INSC: variants seen among roughly 807,000 people sequenced by gnomAD.
INSC encodes protein inscuteable homolog.
In INSC, 67 loss-of-function variants were observed where a neutral mutation model predicts 58.6. The observed-to-expected ratio is 1.14, with a 90% confidence interval of 0.94 to 1.40. INSC has a LOEUF of 1.40. INSC is among the 40% of genes most tolerant of loss of function. INSC has a pLI of 0.00. For synonymous variants in INSC, 262 were observed against 276.1 expected, an observed-to-expected ratio of 0.95 and a Z score of 0.51; for missense variants, 714 against 692.0, an observed-to-expected ratio of 1.03 and a Z score of -0.36.
chr11:15,208,039 C>A (rs1589970670), intron 7 of INSC, among the ~76,000 whole-genome samples: 1 of 152,180 alleles, frequency 6.6e-6, no homozygotes. Context: ...AGCAAAGCTA[C>A]TACTTTCTTG....
At chr11:15,203,403 G>A (rs1388092070) in intron 7 of INSC, among the ~76,000 whole-genome samples, 2 of 152,170 alleles carry the variant, frequency 1.3e-5, no homozygotes, top group Non-Finnish European at 2.9e-5. Flanking sequence ...TCTGTGCCAG[G>A]CACTGAAGAG....
In INSC at chr11:15,116,695, G is replaced by A. The variant is rs557800218; in HGVS notation, c.-46+1692G>A. 2.5e-4 allele frequency among the ~76,000 whole-genome samples: 38 copies of A among 152,050 alleles called. 1 individual carries two copies. The South Asian group carries it at 7.5e-3, about 30-fold the overall frequency. ...GCTGGGAAGTTAGAAAGATGGTATT[G>A]AGCTTCCTTCCTTCCCTTCCTTTCT... On this transcript the variant is annotated intron_variant, in intron 1 of 12. Transcript: ENST00000379556.
intron 6 of INSC, among the ~76,000 whole-genome samples, chr11:15,200,393 T>C (rs1487807301): frequency 1.3e-5 from 2 of 152,168 alleles, no homozygotes; most frequent in African/African-American, 4.8e-5. Context: ...GAACCAGCTC[T>C]GGGCATCTAG....
At chr11:15,167,542 C>T (rs539007554) in intron 2 of INSC, among the ~76,000 whole-genome samples, 4 of 151,926 alleles carry the variant, frequency 2.6e-5, no homozygotes, top group Non-Finnish European at 4.4e-5. Context: ...CTCACTGCAG[C>T]CTTGACCTCC....
rs577732249 is a variant in INSC, at chr11:15,188,721, A to G, written c.580-1980A>G. On this transcript the variant is annotated intron_variant, in intron 5 of 12. Transcript: ENST00000379556. ...TATTCTCAGACTTAAATTGTCTAATATTAGCAGCTGATTGCAAAAGACATT... is the reference window on the plus strand; with the variant it reads ...TATTCTCAGACTTAAATTGTCTAATGTTAGCAGCTGATTGCAAAAGACATT... 7.9e-4 allele frequency among the ~76,000 whole-genome samples: 121 copies of G among 152,388 alleles called. 2 individuals are homozygous for G. The Middle Eastern group carries it at 0.014, about 17-fold the overall frequency.
rs1290771837 is a variant in INSC at position 15,190,747 on chromosome 11, A to G, written c.626A>G (p.Glu209Gly). 1 of 1,613,970 alleles carries G rather than the reference A, an allele frequency of 6.2e-7. No individual in the cohort carries two copies. The highest frequency in any genetic ancestry group is 1.7e-5 in the Admixed American group (1 of 60,022). ...GCCTCAGACAATATCTACACCACAG[A>G]GTCCACCACAGGGAACCTGTTCAGC... is the stretch of plus-strand genomic sequence containing the variant. Reference protein sequence around the residue: ...IDASDNIYTTESTTGNLFSLT... With the variant: ...IDASDNIYTTGSTTGNLFSLT... The change falls in exon 6 of 13, where the codon GAG becomes GGG. Residue 209 changes from glutamate (E) to glycine (G), a missense_variant. Physicochemically the swap from Glu to Gly is moderately conservative, Grantham distance 98 (BLOSUM62 -2). Transcript: ENST00000379556.
intron 6 of INSC, among the ~76,000 whole-genome samples, chr11:15,199,840 T>C (rs1456401998): frequency 6.6e-6 from 1 of 152,128 alleles, no homozygotes; most frequent in Non-Finnish European, 1.5e-5. Context: ...CAAAGCGAGA[T>C]GTGGGATATC....
At chr11:15,153,598 C>T (rs1351667813) in intron 2 of INSC, among the ~76,000 whole-genome samples, 1 of 152,320 alleles carries the variant, frequency 6.6e-6, no homozygotes, top group Non-Finnish European at 1.5e-5. Context: ...GACTTGAATT[C>T]CATCCTTTCT....
intron 1 of INSC, among the ~76,000 whole-genome samples, chr11:15,146,079 C>T (rs1432191143): frequency 1.3e-5 from 2 of 152,216 alleles, no homozygotes; most frequent in Non-Finnish European, 2.9e-5. Flanking sequence ...ATTAAACGAA[C>T]TAATACTATA....
intron 2 of INSC, among the ~76,000 whole-genome samples, chr11:15,168,520 C>T (rs1298888233): frequency 6.6e-6 from 1 of 152,166 alleles, no homozygotes; most frequent in African/African-American, 2.4e-5. Flanking sequence ...TATTGTGACA[C>T]GTGTGAAGGT....
At chr11:15,229,975 TATATTATATATA>T (rs1851817602) in intron 9 of INSC, among the ~76,000 whole-genome samples, 4 of 14,006 alleles carry the variant, frequency 2.9e-4, no homozygotes, top group South Asian at 6.8e-3. Flanking sequence ...TATATATATA[TATATTATATATA>T]TATATATATA....
downstream of INSC, among the ~76,000 whole-genome samples, chr11:15,247,733 G>GTATATATATA (rs57312382): frequency 3.6e-3 from 457 of 127,474 alleles, 11 homozygotes; most frequent in African/African-American, 0.011. Flanking sequence ...TAGAAATAAG[G>GTATATATATA]TATATATATA....
At chr11:15,170,188 A>G (rs1849348554) in intron 2 of INSC, among the ~76,000 whole-genome samples, 1 of 152,088 alleles carries the variant, frequency 6.6e-6, no homozygotes, top group African/African-American at 2.4e-5. Context: ...GTTTTTTTGA[A>G]TAATTTCAAT....
At chr11:15,260,053 T>A in the INSC span, among the ~76,000 whole-genome samples, 1 of 152,154 alleles carries the variant, frequency 6.6e-6, no homozygotes, top group Non-Finnish European at 1.5e-5. Context: ...TGGTTTTATA[T>A]CCAAGGTAGG....
chr11:15,112,368 C>A, upstream of INSC: 1 of 966,170 alleles, frequency 1.0e-6, no homozygotes, highest in Non-Finnish European at 1.5e-6. Flanking sequence ...GAGTCACAGG[C>A]CTTCTCAGGG....
rs369421728 is a variant in INSC, at chr11:15,198,945, C to T, written c.694-1879C>T. On this transcript the variant is annotated intron_variant, in intron 6 of 12. Transcript: ENST00000379556. ...CCAGACATTTTTACTGAAGTAATTA[C>T]GTGCACTTAAAATCAGAGTGGTTCT... 5.6e-4 allele frequency among the ~76,000 whole-genome samples: 85 copies of T among 152,214 alleles called. 1 individual carries two copies. The South Asian group carries it at 0.014, about 25-fold the overall frequency.
chr11:15,230,000 TA>T (rs1157094493), intron 9 of INSC, among the ~76,000 whole-genome samples: 72 of 25,062 alleles, frequency 2.9e-3, no homozygotes, highest in African/African-American at 0.012. Context: ...TATATATATA[TA>T]TATATATATA....
rs551363285 is a variant in INSC, at chr11:15,233,044, C to A, written c.1171-2558C>A. 4.6e-5 allele frequency among the ~76,000 whole-genome samples: 7 copies of A among 152,278 alleles called. No homozygotes were observed. In the Middle Eastern group the frequency reaches 0.024, roughly 518 times the overall value. Reference sequence around the variant, plus strand: ...ATAGCAGCAATAGAAAATGAATACACCAAGCCACAGAAGGTTAGGTAACAT... The same window carrying A: ...ATAGCAGCAATAGAAAATGAATACAACAAGCCACAGAAGGTTAGGTAACAT... On this transcript the variant is annotated intron_variant, in intron 9 of 12. Transcript: ENST00000379556.
At chr11:15,139,123 C>T (rs1848312248) in intron 1 of INSC, among the ~76,000 whole-genome samples, 1 of 152,160 alleles carries the variant, frequency 6.6e-6, no homozygotes, top group Non-Finnish European at 1.5e-5. Context: ...TATAAAGACC[C>T]CTCCAACCTG....
Sources: allele counts gnomAD v4.1 joint callset (sites outside exome capture counted in the v4.1 genomes callset), GRCh38; gene constraint gnomAD v4.1.1; transcripts MANE v1.5; gene names NCBI Gene and HGNC (gene_info 2026-07-23, HGNC 2026-07-21).